DIAPH2: variants seen among roughly 807,000 people sequenced by gnomAD.
DIAPH2 encodes the protein diaphanous related formin 2.
Under a neutral mutation model 92.7 loss-of-function variants are expected in DIAPH2, and 35 were observed. The ratio of observed to expected loss-of-function variants is 0.38; its 90% CI spans 0.29 to 0.50. The LOEUF (loss-of-function observed/expected upper bound fraction) is 0.50. Ranked by LOEUF, DIAPH2 falls within the 20% of genes least tolerant of loss-of-function variation. The pLI is 0.94. For synonymous variants in DIAPH2, 301 were observed against 280.4 expected (o/e 1.07, Z -0.73); for missense variants, 701 against 819.5 (o/e 0.86, Z 1.77).
intron 26 of DIAPH2, among the ~76,000 whole-genome samples, chrX:97,508,816 G>A (rs952799994): frequency 2.1e-4 from 23 of 110,782 alleles, no homozygotes; most frequent in Admixed American, 8.7e-4. Context: ...CTGATTTGGC[G>A]CAGGACTTCT....
At chrX:96,768,232 T>C (rs1319777816) in intron 4 of DIAPH2, among the ~76,000 whole-genome samples, 1 of 112,056 alleles carries the variant, frequency 8.9e-6, no homozygotes, top group African/African-American at 3.2e-5. Flanking sequence ...ATAGCAAACA[T>C]TGTAATGACC....
chrX:96,996,407 T>G (rs1367654781), intron 17 of DIAPH2, among the ~76,000 whole-genome samples: 2 of 111,900 alleles, frequency 1.8e-5, no homozygotes, highest in Non-Finnish European at 3.8e-5. Context: ...ATTGCCATGG[T>G]ATGCTTTTGA....
intron 26 of DIAPH2, among the ~76,000 whole-genome samples, chrX:97,506,138 C>CTT (rs11385451): frequency 0.029 from 820 of 28,117 alleles, 328 homozygotes; most frequent in East Asian, 0.12. Context: ...TATCTAGTGC[C>CTT]TTTTTTTTTT....
At chrX:97,260,145 C>A (rs1342814383) in intron 23 of DIAPH2, among the ~76,000 whole-genome samples, 1 of 112,624 alleles carries the variant, frequency 8.9e-6, no homozygotes, top group East Asian at 2.8e-4. Context: ...TTAAGTCTTG[C>A]ACCTACTTGA....
Position 96,787,790 on chromosome X carries a change from A to G in DIAPH2, c.447+29532A>G, listed in dbSNP as rs779146546. 1.6e-4 allele frequency among the ~76,000 whole-genome samples: 17 copies of G among 103,754 alleles called. No individual in the cohort carries two copies. In the East Asian group the frequency reaches 4.7e-3, roughly 28 times the overall value. The allele number at this position is 103,754 out of a possible 115,157, so 90.1% of individuals were successfully genotyped here. ...ACTGCAACCTCCGCCTCCCGGGTTC[A>G]AACGATTCTCATGCCTCAGTCTCCT... On this transcript the variant is annotated intron_variant, in intron 4 of 26. Coordinates refer to ENST00000324765, the MANE Select transcript of DIAPH2 (RefSeq NM_006729.5).
chrX:97,133,225 G>A (rs761955539), intron 21 of DIAPH2, among the ~76,000 whole-genome samples: 3 of 111,999 alleles, frequency 2.7e-5, no homozygotes, highest in South Asian at 7.5e-4. Flanking sequence ...AGAAAACCAG[G>A]TGCTCCTCCC....
intron 23 of DIAPH2, among the ~76,000 whole-genome samples, chrX:97,319,421 C>T (rs1412403946): frequency 1.9e-5 from 2 of 107,378 alleles, no homozygotes; most frequent in Non-Finnish European, 3.8e-5. Flanking sequence ...CGGAGTCTCG[C>T]TCTTTGGCCC....
chrX:96,695,902 C>G (rs1413219291), intron 1 of DIAPH2, among the ~76,000 whole-genome samples: 1 of 111,901 alleles, frequency 8.9e-6, no homozygotes, highest in Non-Finnish European at 1.9e-5. Flanking sequence ...CCTCACTCAT[C>G]ACCACGTAGT....
chrX:96,933,225 GA>G (rs1276092653), intron 10 of DIAPH2, among the ~76,000 whole-genome samples: 5 of 106,723 alleles, frequency 4.7e-5, no homozygotes, highest in East Asian at 2.9e-4. Flanking sequence ...ATTTGGTTGG[GA>G]AAAAAAAAAT....
At chrX:97,064,513 C>T (rs12007232) in intron 17 of DIAPH2, among the ~76,000 whole-genome samples, 1 of 110,025 alleles carries the variant, frequency 9.1e-6, no homozygotes, top group Admixed American at 9.8e-5. Flanking sequence ...ACCCCACCCC[C>T]CTCAACACCA....
At chrX:96,864,966 A>T (rs1398486503) in intron 4 of DIAPH2, among the ~76,000 whole-genome samples, 1 of 112,122 alleles carries the variant, frequency 8.9e-6, no homozygotes, top group East Asian at 2.8e-4. Context: ...TTTCTAATTC[A>T]TTTTGTGTTC....
At chrX:96,981,173 G>A (rs5966598) in intron 17 of DIAPH2, among the ~76,000 whole-genome samples, 46,166 of 106,710 alleles carry the variant, frequency 0.43, 7,514 homozygotes, top group South Asian at 0.56. Flanking sequence ...ACCCTATCTC[G>A]GGAAAAAAAA....
intron 24 of DIAPH2, among the ~76,000 whole-genome samples, chrX:97,363,845 G>A (rs2069352966): frequency 9.0e-6 from 1 of 110,827 alleles, no homozygotes. Flanking sequence ...ATGTAGTGAA[G>A]TAAAAGCATA....
At position 97,423,061 on chromosome X, in the gene DIAPH2, G is replaced by T. The variant is rs762692422; in HGVS notation, c.3146-6589G>T. Among the ~76,000 whole-genome samples, 3 of 111,300 alleles carry T rather than the reference G, an allele frequency of 2.7e-5. No individual in the cohort carries two copies. In the East Asian group the frequency reaches 8.4e-4, roughly 31 times the overall value. ...GCAAACCTAGACCAGGGTTGGGAAG[G>T]CAAACCTAGGTGGATGCTGCACTCA... On this transcript the variant is annotated intron_variant, in intron 25 of 26. Transcript: ENST00000324765.
At chrX:97,426,202 C>T (rs1329790973) in intron 25 of DIAPH2, among the ~76,000 whole-genome samples, 1 of 111,139 alleles carries the variant, frequency 9.0e-6, no homozygotes, top group Non-Finnish European at 1.9e-5. Context: ...TTCAAAATAT[C>T]CATCCTCTCC....
At chrX:97,509,378 G>GACAC (rs2070864009) in intron 26 of DIAPH2, among the ~76,000 whole-genome samples, 1 of 101,707 alleles carries the variant, frequency 9.8e-6, no homozygotes, top group Admixed American at 1.1e-4. Context: ...AATTTTATGT[G>GACAC]ACACAGGAAA....
At chrX:97,074,234 C>A (rs913634271) in intron 18 of DIAPH2, among the ~76,000 whole-genome samples, 1 of 110,824 alleles carries the variant, frequency 9.0e-6, no homozygotes, top group African/African-American at 3.3e-5. Context: ...TGGTGAAACC[C>A]CGCCTCTACT....
At chrX:97,448,202 A>C (rs2147791780) in intron 26 of DIAPH2, among the ~76,000 whole-genome samples, 1 of 112,035 alleles carries the variant, frequency 8.9e-6, no homozygotes, top group African/African-American at 3.2e-5. Flanking sequence ...ATTCTACTTA[A>C]CTAGCTTTAA....
At chrX:97,323,451 C>A (rs1454386415) in intron 23 of DIAPH2, among the ~76,000 whole-genome samples, 20 of 103,216 alleles carry the variant, frequency 1.9e-4, no homozygotes, top group Non-Finnish European at 3.8e-4. Context: ...ATTAGCCGGG[C>A]GTGGTGGCGG....
Sources: allele counts gnomAD v4.1 joint callset (sites outside exome capture counted in the v4.1 genomes callset), GRCh38; gene constraint gnomAD v4.1.1; transcripts MANE v1.5; gene names NCBI Gene and HGNC (gene_info 2026-07-23, HGNC 2026-07-21).